Variants in ACSL6 observed in about 807,000 individuals in gnomAD.
ACSL6 encodes long-chain-fatty-acid--CoA ligase 6.
ACSL6 carries 47 observed loss-of-function variants against 98.2 expected under a neutral mutation model. The ratio of observed to expected loss-of-function variants is 0.48; its 90% CI spans 0.38 to 0.61. The LOEUF is 0.61. Ranked by LOEUF, ACSL6 falls within the 20% of genes least tolerant of loss-of-function variation. The pLI is 0.00. For missense variants in ACSL6, 761 were observed against 913.4 expected (o/e 0.83, Z 2.15); for synonymous variants, 362 against 336.9 (o/e 1.07, Z -0.82).
chr5:131,957,090 A>T (rs1488002220), intron 20 of ACSL6, among the ~76,000 whole-genome samples: 1 of 152,218 alleles, frequency 6.6e-6, no homozygotes, highest in Non-Finnish European at 1.5e-5. Context: ...TAGTATTTTA[A>T]GTTTTTCAGT....
chr5:131,977,024 G>A lies in ACSL6; in HGVS notation c.917-303C>T, dbSNP rs148417067. Reference sequence around the variant, plus strand: ...TGTGGTCTGTGCCTTATCCTCTCCCGTCTTCCTTCAGGAGCAGAGGCTGTC... The same window carrying A: ...TGTGGTCTGTGCCTTATCCTCTCCCATCTTCCTTCAGGAGCAGAGGCTGTC... On this transcript the variant is annotated intron_variant, in intron 9 of 20. Coordinates refer to ENST00000651883, the MANE Select transcript of ACSL6 (RefSeq NM_001009185.3). Among the ~76,000 whole-genome samples the A allele has an allele frequency of 1.1e-3, 160 of 152,286 alleles. 1 individual carries two copies. Among genetic ancestry groups the A allele is most frequent in the African/African-American group, 3.6e-3 (151 of 41,560 alleles).
intron 9 of ACSL6, among the ~76,000 whole-genome samples, chr5:131,980,201 AT>A (rs1440097740): frequency 1.3e-5 from 2 of 152,176 alleles, no homozygotes; most frequent in African/African-American, 4.8e-5. Flanking sequence ...GGTGACTGAC[AT>A]TCTCTGGAAG....
intron 7 of ACSL6, among the ~76,000 whole-genome samples, chr5:131,987,467 CAGG>C (rs200599071): frequency 1.2e-5 from 1 of 84,054 alleles, no homozygotes; most frequent in Non-Finnish European, 4.2e-5. Context: ...CATAGGGAGG[CAGG>C]AGAAGGAGGG....
intron 20 of ACSL6, among the ~76,000 whole-genome samples, chr5:131,959,194 C>T (rs1427560285): frequency 2.6e-5 from 4 of 152,124 alleles, no homozygotes; most frequent in South Asian, 4.2e-4. Context: ...GCCAAGAAGA[C>T]GGTCCCCACA....
Position 131,951,214 on chromosome 5 carries a change from C to T in ACSL6, c.*3020G>A, listed in dbSNP as rs1252128342. The T allele has an allele frequency of 9.5e-6, 2 of 211,588 alleles. No individual in the cohort carries two copies. Among genetic ancestry groups the T allele is most frequent in the Admixed American group, 1.2e-4 (2 of 16,978 alleles). 13.1% of individuals were successfully genotyped at this position (211,588 alleles called of 1,614,324 possible). ...CTTAAGGAACTGATTATCTGTTATA[C>T]TTCTAGGCTTAAATAGATCCAATGC... On this transcript the variant is annotated 3_prime_UTR_variant, in exon 21 of 21. Coordinates refer to ENST00000651883, the MANE Select transcript of ACSL6 (RefSeq NM_001009185.3).
chr5:131,958,077 A>G (rs942626034), intron 20 of ACSL6, among the ~76,000 whole-genome samples: 1 of 152,236 alleles, frequency 6.6e-6, no homozygotes, highest in African/African-American at 2.4e-5. Context: ...TAACCAGAGC[A>G]ATGGTTAACA....
At chr5:131,972,496 T>C (rs924700903) in intron 13 of ACSL6, among the ~76,000 whole-genome samples, 3 of 152,096 alleles carry the variant, frequency 2.0e-5, no homozygotes, top group Admixed American at 1.3e-4. Flanking sequence ...AGGGACCTAC[T>C]ATCCATAGTA....
At chr5:131,975,801 C>T in intron 10 of ACSL6, 1 of 985,484 alleles carries the variant, frequency 1.0e-6, no homozygotes, top group Non-Finnish European at 1.2e-6. Context: ...CTGGACTTCC[C>T]TGCTCTCCAC....
rs913674550 is a variant in ACSL6 at position 132,000,053 on chromosome 5, T to G, written c.50-5802A>C. Among the ~76,000 whole-genome samples the G allele has an allele frequency of 3.9e-5, 6 of 151,946 alleles. No homozygotes were observed. In the East Asian group the frequency reaches 1.2e-3, roughly 29 times the overall value. ...AGTAGTGGGGAGTAGGGGATGGGGA[T>G]GCTAGCTCTCTGGCACTGAGGGCGA... On this transcript the variant is annotated intron_variant, in intron 1 of 20. Transcript: ENST00000651883.
At chr5:131,959,107 T>G (rs1258461690) in intron 20 of ACSL6, among the ~76,000 whole-genome samples, 1 of 152,062 alleles carries the variant, frequency 6.6e-6, no homozygotes, top group African/African-American at 2.4e-5. Flanking sequence ...ACAGAGGGCA[T>G]GCTGGGCTGA....
chr5:131,959,435 AC>A (rs765643966), intron 20 of ACSL6, 100 bp downstream of exon 20: 12 of 1,324,154 alleles, frequency 9.1e-6, no homozygotes, highest in East Asian at 7.0e-5. Flanking sequence ...GGCGGGCCAC[AC>A]CATGAAAAGT....
At position 132,011,286 on chromosome 5, in the gene ACSL6, T is replaced by G. The variant is rs1254319613; in HGVS notation, c.49+219A>C. On this transcript the variant is annotated intron_variant, in intron 1 of 20. Coordinates refer to ENST00000651883, the MANE Select transcript of ACSL6 (RefSeq NM_001009185.3). The surrounding 1 kb of genome is among the most constrained non-coding windows in gnomAD (Gnocchi z 5.4). ...GGTCGCAGAGAGCAAGCCCTATATC[T>G]CCCTCCGCAGACCCAGGTGCTCCCC... 6.6e-6 allele frequency among the ~76,000 whole-genome samples: 1 copy of G among 151,812 alleles called. No individual in the cohort carries two copies. Among genetic ancestry groups the G allele is most frequent in the African/African-American group, 2.4e-5 (1 of 41,304 alleles).
chr5:131,968,008 G>C lies in ACSL6; in HGVS notation c.1528C>G (p.Pro510Ala), dbSNP rs867535797. 4 of 1,613,910 alleles carry C rather than the reference G, an allele frequency of 2.5e-6. No homozygotes were observed. Among genetic ancestry groups the C allele is most frequent in the Non-Finnish European group, 3.4e-6 (4 of 1,179,872 alleles). ...WTSGHVGAPL[P>A]CNHIKLVDVE... ...TCAACGAGCTTGATATGATTGCAGGGAAGTGGCGCCCCTACGTGCCCTGGA... is the reference window on the plus strand; with the variant it reads ...TCAACGAGCTTGATATGATTGCAGGCAAGTGGCGCCCCTACGTGCCCTGGA... Residue 510 changes from proline to alanine, a missense_variant, in exon 16 of 21, where the codon CCC becomes GCC. Transcript: ENST00000651883.
intron 10 of ACSL6, chr5:131,976,193 C>T: frequency 1.0e-6 from 1 of 985,418 alleles, no homozygotes; most frequent in Non-Finnish European, 1.2e-6. Flanking sequence ...CCTTTAAGTA[C>T]AGCCTTATAA....
intron 20 of ACSL6, among the ~76,000 whole-genome samples, chr5:131,958,224 GA>G (rs1354456419): frequency 1.3e-5 from 2 of 152,222 alleles, no homozygotes. Flanking sequence ...CAGGAGGCGT[GA>G]AGGCCTTGTG....
chr5:131,968,113 A>C, intron 15 of ACSL6, 85 bp from the exon 16 acceptor site: 1 of 1,106,278 alleles, frequency 9.0e-7, no homozygotes, highest in East Asian at 2.5e-5. Flanking sequence ...AAAATCTCTG[A>C]GTGGCCAAAG....
chr5:131,954,458 G>A (rs942634831), intron 20 of ACSL6, 87 bp from the exon 21 acceptor site: 1 of 1,312,624 alleles, frequency 7.6e-7, no homozygotes, highest in African/African-American at 1.5e-5. Context: ...AGGCACATGA[G>A]AGTAGATATA....
chr5:131,971,108 A>G (rs1753282173), intron 14 of ACSL6, among the ~76,000 whole-genome samples: 1 of 152,276 alleles, frequency 6.6e-6, no homozygotes, highest in African/African-American at 2.4e-5. Flanking sequence ...TGAATGGAAA[A>G]TGAAGAAATA....
intron 3 of ACSL6, 30 bp from the exon 4 acceptor site, chr5:131,990,194 G>A: frequency 1.9e-6 from 3 of 1,612,152 alleles, no homozygotes; most frequent in South Asian, 1.1e-5. Context: ...CCTTGTGTCA[G>A]AGAGGGGTCA....
Sources: allele counts gnomAD v4.1 joint callset (sites outside exome capture counted in the v4.1 genomes callset), GRCh38; gene constraint gnomAD v4.1.1; non-coding constraint Gnocchi (gnomAD v3.1); transcripts MANE v1.5; gene names NCBI Gene and HGNC (gene_info 2026-07-23, HGNC 2026-07-21).